MYBPHL: variants seen among roughly 807,000 people sequenced by gnomAD.
The protein encoded by MYBPHL is myosin-binding protein H-like.
In MYBPHL, 32 loss-of-function variants were observed where a neutral mutation model predicts 39.5. The observed-to-expected ratio is 0.81, with a 90% CI of 0.61 to 1.09. The LOEUF (loss-of-function observed/expected upper bound fraction) is 1.09. MYBPHL is among the 50% of genes least tolerant of loss of function. The pLI, the probability that MYBPHL is intolerant of heterozygous loss-of-function variation, is 0.00. For missense variants in MYBPHL, 456 were observed against 460.2 expected (o/e 0.99, Z 0.08); for synonymous variants, 196 against 183.7 (o/e 1.07, Z -0.54).
intron 5 of MYBPHL, 67 bp from the exon 6 acceptor site, chr1:109,296,437 T>C: frequency 6.4e-7 from 1 of 1,559,820 alleles, no homozygotes; most frequent in Non-Finnish European, 8.6e-7. Flanking sequence ...TCTTTATCCT[T>C]AGTATTTTTT....
At position 109,306,984 on chromosome 1, in the gene MYBPHL, G is replaced by C. The variant is rs933379923; in HGVS notation, c.8C>G (p.Ala3Gly). ...TGCGGCCACCTCCGGAGCTGTGGCTGCCTCCATGCTGGGCCTTCCCAGAGG... is the reference window on the plus strand; with the variant it reads ...TGCGGCCACCTCCGGAGCTGTGGCTCCCTCCATGCTGGGCCTTCCCAGAGG... ME[A>G]ATAPEVAAGS... is the part of the protein sequence containing the mutation. The change falls in exon 1 of 9, where the codon GCA (alanine) becomes GGA (glycine). Residue 3 changes from alanine to glycine, a missense_variant. By Grantham distance (60) the Ala-to-Gly change is moderately conservative. Transcript: ENST00000357155. 6.2e-7 allele frequency: 1 copy of C among 1,610,594 alleles called. No homozygotes were observed. Among genetic ancestry groups the C allele is most frequent in the Non-Finnish European group, 8.5e-7 (1 of 1,178,566 alleles).
chr1:109,294,319 T>G lies in MYBPHL; in HGVS notation c.1055-70A>C, dbSNP rs55945826. 20 of 1,427,858 alleles carry G rather than the reference T, an allele frequency of 1.4e-5. No homozygotes were observed. The Middle Eastern group carries it at 5.2e-4, about 37-fold the overall frequency. 88.4% of individuals were successfully genotyped at this position (1,427,858 alleles called of 1,614,324 possible). On this transcript the variant is annotated intron_variant, in intron 7 of 8. Transcript: ENST00000357155. ...TCTGAGAAACTTTCTTTCAGAGCATTAGAAAGGAATATTCTATTTCAGGTT... is the reference window on the plus strand; with the variant it reads ...TCTGAGAAACTTTCTTTCAGAGCATGAGAAAGGAATATTCTATTTCAGGTT...
rs1658118172 is a variant in MYBPHL at position 109,297,410 on chromosome 1, C to T, written c.430+12G>A. On this transcript the variant is annotated intron_variant, in intron 3 of 8. Coordinates refer to ENST00000357155, the MANE Select transcript of MYBPHL (RefSeq NM_001010985.3). ...CTGAGGACCCCCCCATCTCCCACTTCCCCCACCGTACCAATCACCAGGATG... is the reference window on the plus strand; with the variant it reads ...CTGAGGACCCCCCCATCTCCCACTTTCCCCACCGTACCAATCACCAGGATG... 2 of 1,606,714 alleles carry T rather than the reference C, an allele frequency of 1.2e-6. No individual in the cohort carries two copies. Among genetic ancestry groups the T allele is most frequent in the Non-Finnish European group, 1.7e-6 (2 of 1,176,172 alleles).
At position 109,296,320 on chromosome 1, in the gene MYBPHL, G is replaced by C. The variant is rs753264112; in HGVS notation, c.781C>G (p.Pro261Ala). Residue 261 changes from proline to alanine, a missense_variant, in exon 6 of 9, where the codon CCA (proline) becomes GCA (alanine). Physicochemically the swap from Pro to Ala is conservative, Grantham distance 27. Transcript: ENST00000357155. ...GFAQRDFSEA[P>A]KFTQPLADCT... ...TCGGCCAGAGGCTGGGTAAACTTTGGGGCTTCAGAGAAGTCTCGTTGGGCA... is the reference window on the plus strand; with the variant it reads ...TCGGCCAGAGGCTGGGTAAACTTTGCGGCTTCAGAGAAGTCTCGTTGGGCA... 6.2e-7 allele frequency: 1 copy of C among 1,614,174 alleles called. No individual in the cohort carries two copies. The highest frequency in any genetic ancestry group is 8.5e-7 in the Non-Finnish European group (1 of 1,180,020).
chr1:109,300,500 T>A (rs1184089146), intron 1 of MYBPHL, among the ~76,000 whole-genome samples: 4 of 152,376 alleles, frequency 2.6e-5, no homozygotes, highest in Middle Eastern at 3.4e-3. Context: ...CCCGCCCTGC[T>A]GAGACCTCAG....
In MYBPHL at chr1:109,297,563, T is replaced by G. The variant is rs758086173; in HGVS notation, c.289A>C (p.Arg97=). The change falls in exon 3 of 9, where the codon AGG becomes CGG. Residue 97 remains arginine (R), a synonymous_variant. Transcript: ENST00000357155. ...TCCCCATTCCGCACACTCACACGCC[T>G]GGTGTCCAAGGCACAGCCATCATGT... ...WTHDGCALDT[R]RVSVRNGEQD... 2.5e-6 allele frequency: 4 copies of G among 1,613,910 alleles called. No individual in the cohort carries two copies. Among genetic ancestry groups the G allele is most frequent in the Non-Finnish European group, 8.5e-7 (1 of 1,180,030 alleles).
At chr1:109,301,427 T>C (rs1023742452) in intron 1 of MYBPHL, among the ~76,000 whole-genome samples, 25 of 152,302 alleles carry the variant, frequency 1.6e-4, no homozygotes, top group African/African-American at 5.8e-4. Context: ...TGTTTAATTC[T>C]TTCTAAAAAA....
chr1:109,293,611 G>T (rs1420439915), intron 8 of MYBPHL, among the ~76,000 whole-genome samples: 6 of 151,984 alleles, frequency 3.9e-5, no homozygotes, highest in Non-Finnish European at 8.8e-5. Context: ...GTGGTGGTGG[G>T]TGCCTGTAGT....
chr1:109,293,202 T>C (rs1657926704), intron 8 of MYBPHL, among the ~76,000 whole-genome samples: 1 of 152,176 alleles, frequency 6.6e-6, no homozygotes, highest in Non-Finnish European at 1.5e-5. Flanking sequence ...CACAAGGTGC[T>C]GTGACTCTTG....
At chr1:109,305,084 T>C (rs966211842) in intron 1 of MYBPHL, among the ~76,000 whole-genome samples, 8 of 152,154 alleles carry the variant, frequency 5.3e-5, no homozygotes, top group Admixed American at 2.0e-4. Flanking sequence ...GGGGCTCTGT[T>C]GGCTCTCTGA....
intron 1 of MYBPHL, among the ~76,000 whole-genome samples, chr1:109,300,422 G>A (rs918212697): frequency 1.3e-5 from 2 of 152,210 alleles, no homozygotes; most frequent in Non-Finnish European, 2.9e-5. Context: ...ACATACCCAA[G>A]AACTGCAAAG....
At chr1:109,297,381 G>T (rs775850138) in intron 3 of MYBPHL, 41 bp downstream of exon 3, 12 of 1,587,842 alleles carry the variant, frequency 7.6e-6, no homozygotes, top group Admixed American at 6.8e-5. Flanking sequence ...TGGAGAGGGA[G>T]TTCCTGAGGA....
rs375277946 is a variant in MYBPHL at position 109,294,227 on chromosome 1, T to A, written c.*12A>T. 9 of 1,606,514 alleles carry A rather than the reference T, an allele frequency of 5.6e-6. No individual in the cohort carries two copies. The African/African-American group carries it at 1.2e-4, about 21-fold the overall frequency. ...TTACCTTTGTCAGAGTACCATGCCT[T>A]CTTAGGTGTCCTCAATTAGGAACTG... On this transcript the variant is annotated 3_prime_UTR_variant, in exon 8 of 9. Coordinates refer to ENST00000357155, the MANE Select transcript of MYBPHL (RefSeq NM_001010985.3).
Position 109,297,582 on chromosome 1 carries a change from A to T in MYBPHL, c.270T>A (p.Asp90Glu), listed in dbSNP as rs540252437. The T allele has an allele frequency of 1.1e-5, 18 of 1,613,804 alleles. No homozygotes were observed. In the African/African-American group the frequency reaches 1.6e-4, roughly 14 times the overall value. ...KPKPQAIWTH[D>E]GCALDTRRVS... ...CACGCCTGGTGTCCAAGGCACAGCC[A>T]TCATGTGTCCAGATGGCTTGAGGTT... The change falls in exon 3 of 9, where the codon GAT (aspartate) becomes GAA (glutamate). Residue 90 changes from aspartate (D) to glutamate (E), a missense_variant. By Grantham distance (45) the Asp-to-Glu change is conservative. Transcript: ENST00000357155.
intron 1 of MYBPHL, among the ~76,000 whole-genome samples, chr1:109,299,802 C>A (rs539590795): frequency 6.6e-6 from 1 of 152,208 alleles, no homozygotes; most frequent in Non-Finnish European, 1.5e-5. Flanking sequence ...CAGCTGCAGG[C>A]GGCTGAGTGA....
chr1:109,293,542 G>C (rs1034106325), intron 8 of MYBPHL, among the ~76,000 whole-genome samples: 2 of 151,638 alleles, frequency 1.3e-5, no homozygotes, highest in African/African-American at 4.8e-5. Flanking sequence ...AGGAGATCGA[G>C]ACCATCCTGG....
At chr1:109,299,802 C>T (rs539590795) in intron 1 of MYBPHL, among the ~76,000 whole-genome samples, 39 of 152,326 alleles carry the variant, frequency 2.6e-4, no homozygotes, top group African/African-American at 8.9e-4. Flanking sequence ...CAGCTGCAGG[C>T]GGCTGAGTGA....
At position 109,297,455 on chromosome 1, in the gene MYBPHL, C is replaced by T; in HGVS notation, c.397G>A (p.Glu133Lys). Residue 133 changes from glutamate (E) to lysine (K), a missense_variant, in exon 3 of 9, where the codon GAG becomes AAG. Coordinates refer to ENST00000357155, the MANE Select transcript of MYBPHL (RefSeq NM_001010985.3). ...AGGATGTCAATGGTGGCGGTGGCCT[C>T]CAGCCCACCCAGCTGCACGCGGAGT... ...YQLRVQLGGL[E>K]ATATIDILVI... The T allele has an allele frequency of 6.2e-7, 1 of 1,613,034 alleles. No individual in the cohort carries two copies. Among genetic ancestry groups the T allele is most frequent in the Non-Finnish European group, 8.5e-7 (1 of 1,179,964 alleles).
chr1:109,299,832 G>A (rs1003326666), intron 1 of MYBPHL, among the ~76,000 whole-genome samples: 5 of 152,222 alleles, frequency 3.3e-5, no homozygotes, highest in South Asian at 2.1e-4. Context: ...GGCTGCCCTC[G>A]GCTGGGCTCT....
Sources: gnomAD v4.1 joint callset for allele counts (sites outside exome capture counted in the v4.1 genomes callset) on GRCh38, gnomAD v4.1.1 for gene constraint, MANE v1.5 for transcripts, NCBI Gene and HGNC (gene_info 2026-07-23, HGNC 2026-07-21) for gene names.